Variants in CUBN observed in about 807,000 individuals in gnomAD.
CUBN encodes the protein 460 kDa receptor.
CUBN carries 282 observed loss-of-function variants against 405.3 expected under a neutral mutation model. The observed-to-expected ratio is 0.70, with a 90% CI of 0.63 to 0.77. The LOEUF is 0.77. Ranked by LOEUF, CUBN falls within the 30% of genes least tolerant of loss-of-function variation. The pLI is 0.00. For synonymous variants in CUBN, 1,684 were observed against 1,617.0 expected (o/e 1.04, Z -0.99); for missense variants, 4,514 against 4,475.2 (o/e 1.01, Z -0.25).
chr10:17,067,156 C>T (rs1435452323), intron 21 of CUBN, among the ~76,000 whole-genome samples: 1 of 152,002 alleles, frequency 6.6e-6, no homozygotes, highest in Non-Finnish European at 1.5e-5. Context: ...GAAAGTATAA[C>T]TCAGAAAGAG....
intron 33 of CUBN, among the ~76,000 whole-genome samples, chr10:16,952,027 T>C (rs532692000): frequency 6.6e-6 from 1 of 152,332 alleles, no homozygotes; most frequent in Admixed American, 6.5e-5. Context: ...TGTGTGTTTT[T>C]TAACCTTTGC....
chr10:17,079,145 CTG>C (rs756582399), intron 17 of CUBN, among the ~76,000 whole-genome samples: 6 of 151,938 alleles, frequency 3.9e-5, no homozygotes, highest in Admixed American at 1.3e-4. Flanking sequence ...TGTGGAAAAA[CTG>C]TGCTCACAAC....
At chr10:17,109,830 C>A in intron 9 of CUBN, 95 bp from the exon 10 acceptor site, 1 of 921,990 alleles carries the variant, frequency 1.1e-6, no homozygotes. Context: ...ATGGACCAAT[C>A]AGGGATCCTC....
intron 35 of CUBN, 87 bp downstream of exon 35, chr10:16,948,391 C>T: frequency 6.3e-7 from 1 of 1,585,996 alleles, no homozygotes; most frequent in Non-Finnish European, 8.6e-7. Context: ...TGGCTCCCAA[C>T]TACGAAGGTC....
At position 16,937,621 on chromosome 10, in the gene CUBN, G is replaced by C; in HGVS notation, c.5897C>G (p.Pro1966Arg). The C allele has an allele frequency of 6.2e-7, 1 of 1,613,934 alleles. No homozygotes were observed. Among genetic ancestry groups the C allele is most frequent in the Non-Finnish European group, 8.5e-7 (1 of 1,179,936 alleles). Residue 1966 changes from proline (P) to arginine (R), a missense_variant, in exon 39 of 67, where the codon CCT becomes CGT. This residue lies in a region of CUBN where 1,613 missense variants were observed against 1,542.8 expected (regional missense o/e 1.05). Coordinates refer to ENST00000377833, the MANE Select transcript of CUBN (RefSeq NM_001081.4). ...FLLEWFAVDAPDGVLPTIAPG... is the reference protein window; with the variant it reads ...FLLEWFAVDARDGVLPTIAPG... ...AGCAATGGTAGGTAAAACACCATCA[G>C]GTGCATCCACTGCAAACCACTCCAG...
rs777916722 is a variant in CUBN at position 16,954,398 on chromosome 10, A to G, written c.4846T>C (p.Phe1616Leu). ...TCCACAGGGTACTTGCCTTGCCTGAATTGAGCTCGGAAGCCTCTGTTCTGT... is the reference window on the plus strand; with the variant it reads ...TCCACAGGGTACTTGCCTTGCCTGAGTTGAGCTCGGAAGCCTCTGTTCTGT... The part of the protein sequence containing the change: ...SRQNRGFRAQ[F>L]RQACGGHILT... The change falls in exon 32 of 67, where the codon TTC (phenylalanine) becomes CTC (leucine). Residue 1616 changes from phenylalanine (F) to leucine (L), a missense_variant. This residue lies in a region of CUBN where 1,613 missense variants were observed against 1,542.8 expected (regional missense o/e 1.05). Transcript: ENST00000377833. The G allele has an allele frequency of 1.2e-5, 19 of 1,614,024 alleles. No individual in the cohort carries two copies. The highest frequency in any genetic ancestry group is 1.6e-5 in the Non-Finnish European group (19 of 1,180,008).
chr10:17,057,512 C>CA (rs1195250678), intron 22 of CUBN, among the ~76,000 whole-genome samples: 2 of 152,044 alleles, frequency 1.3e-5, no homozygotes. Flanking sequence ...TATAAAATGG[C>CA]ATAACCACTT....
intron 21 of CUBN, 95 bp from the exon 22 acceptor site, chr10:17,065,733 G>T: frequency 6.9e-7 from 1 of 1,442,110 alleles, no homozygotes; most frequent in Non-Finnish European, 9.7e-7. Context: ...ATAATAATAG[G>T]TTTTGTTCTC....
chr10:17,038,370 C>T (rs1309448903), intron 27 of CUBN, among the ~76,000 whole-genome samples: 2 of 152,200 alleles, frequency 1.3e-5, no homozygotes, highest in Non-Finnish European at 1.5e-5. Flanking sequence ...GGCAAATGGT[C>T]TCACTCCTTT....
intron 43 of CUBN, among the ~76,000 whole-genome samples, chr10:16,921,564 A>T (rs945762909): frequency 2.6e-5 from 4 of 152,188 alleles, no homozygotes; most frequent in African/African-American, 9.7e-5. Flanking sequence ...TATCCACAGC[A>T]TTTAACACAG....
chr10:17,052,840 A>G (rs1835304993), intron 22 of CUBN, among the ~76,000 whole-genome samples: 1 of 151,118 alleles, frequency 6.6e-6, no homozygotes, highest in South Asian at 2.1e-4. Context: ...TAGTAAGGTG[A>G]ATTTATAACA....
At position 17,102,262 on chromosome 10, in the gene CUBN, T is replaced by TA. The variant is rs1437438044; in HGVS notation, c.1530+862dup. Among the ~76,000 whole-genome samples the TA allele has an allele frequency of 5.0e-4, 25 of 50,310 alleles. 1 individual carries two copies. The South Asian group carries it at 0.015, about 30-fold the overall frequency. The allele number at this position is 50,310 out of a possible 152,430, so 33.0% of individuals were successfully genotyped here. ...TAAAAGGAGGATCCTCCTATTTATTTATTTATTTATTTATTTATTTATTTA... is the reference window on the plus strand; with the variant it reads ...TAAAAGGAGGATCCTCCTATTTATTTAATTTATTTATTTATTTATTTATTTA... On this transcript the variant is annotated intron_variant, in intron 13 of 66. Transcript: ENST00000377833.
intron 33 of CUBN, among the ~76,000 whole-genome samples, chr10:16,951,921 CTATT>C (rs1314797422): frequency 6.6e-6 from 1 of 152,184 alleles, no homozygotes; most frequent in South Asian, 2.1e-4. Context: ...ATGTCAAAAA[CTATT>C]TATCGATTAT....
rs535554526 is a variant in CUBN at position 17,049,996 on chromosome 10, T to C, written c.3140-2393A>G. On this transcript the variant is annotated intron_variant, in intron 22 of 66. Transcript: ENST00000377833. ...CAGATGAGGTCCCAGTAAGTAGTTGTTGAAATATTATTACATGATGTGTTG... is the reference window on the plus strand; with the variant it reads ...CAGATGAGGTCCCAGTAAGTAGTTGCTGAAATATTATTACATGATGTGTTG... 1.7e-3 allele frequency among the ~76,000 whole-genome samples: 257 copies of C among 152,302 alleles called. 2 individuals carry two copies. The Middle Eastern group carries it at 0.024, about 14-fold the overall frequency.
chr10:17,058,755 CA>C (rs1313571819), intron 22 of CUBN, among the ~76,000 whole-genome samples: 1 of 151,986 alleles, frequency 6.6e-6, no homozygotes, highest in African/African-American at 2.4e-5. Flanking sequence ...TGAAAAATAT[CA>C]ATACTAAGTT....
chr10:16,936,597 T>G (rs1160669678), intron 39 of CUBN, among the ~76,000 whole-genome samples: 2 of 152,218 alleles, frequency 1.3e-5, no homozygotes, highest in Non-Finnish European at 2.9e-5. Flanking sequence ...ATACCGTGAT[T>G]CTGTGTTCCA....
chr10:16,965,899 T>C (rs1190399916), intron 31 of CUBN: 3 of 458,650 alleles, frequency 6.5e-6, no homozygotes. Flanking sequence ...CATACATGAC[T>C]TGCCCAATCA....
rs1359142785 is a variant in CUBN at position 16,930,836 on chromosome 10, T to C, written c.6124+2251A>G. Among the ~76,000 whole-genome samples the C allele has an allele frequency of 5.3e-5, 8 of 152,330 alleles. No homozygotes were observed. The East Asian group carries it at 1.3e-3, about 26-fold the overall frequency. ...GACAGGCCAATTGCATGAGCAGGAA[T>C]AGCCTATAAGTATCTTTGTCTGTGG... On this transcript the variant is annotated intron_variant, in intron 40 of 66. Coordinates refer to ENST00000377833, the MANE Select transcript of CUBN (RefSeq NM_001081.4).
At chr10:16,909,964 G>C (rs1237998751) in intron 48 of CUBN, among the ~76,000 whole-genome samples, 1 of 152,178 alleles carries the variant, frequency 6.6e-6, no homozygotes, top group Non-Finnish European at 1.5e-5. Flanking sequence ...AGCTGGATAA[G>C]GTATTAGCTA....
Sources: allele counts gnomAD v4.1 joint callset (sites outside exome capture counted in the v4.1 genomes callset), GRCh38; gene constraint gnomAD v4.1.1; regional missense constraint gnomAD v4.1.1; transcripts MANE v1.5; gene names NCBI Gene and HGNC (gene_info 2026-07-23, HGNC 2026-07-21).